The following MAP3K1 variants were observed in gnomAD, a reference collection of about 807,000 sequenced individuals.
MAP3K1 encodes the protein mitogen-activated protein kinase kinase kinase 1.
Under a neutral mutation model 144.2 loss-of-function variants are expected in MAP3K1, and 36 were observed. That is an observed-to-expected ratio of 0.25 (90% CI 0.19 to 0.33). The LOEUF is 0.33. Among genes scored for constraint, MAP3K1 ranks in the 10% least tolerant of loss-of-function variants. MAP3K1 has a pLI of 1.00. For synonymous variants in MAP3K1, 718 were observed against 688.7 expected (o/e 1.04, Z -0.67); for missense variants, 1,650 against 1,881.9 (o/e 0.88, Z 2.28).
At chr5:56,819,448 A>G (rs78953096) in intron 1 of MAP3K1, among the ~76,000 whole-genome samples, 1 of 148,404 alleles carries the variant, frequency 6.7e-6, no homozygotes, top group African/African-American at 2.5e-5. Context: ...CAAAAAAAAA[A>G]CCAGCTACAG....
intron 6 of MAP3K1, among the ~76,000 whole-genome samples, chr5:56,869,803 G>A (rs548064750): frequency 1.3e-5 from 2 of 152,068 alleles, no homozygotes; most frequent in Non-Finnish European, 2.9e-5. Flanking sequence ...TTTATTATAG[G>A]TAGTTGTATA....
intron 1 of MAP3K1, among the ~76,000 whole-genome samples, chr5:56,834,689 A>G (rs1461894491): frequency 6.6e-6 from 1 of 152,184 alleles, no homozygotes; most frequent in Admixed American, 6.5e-5. Context: ...AGCCTGGGCA[A>G]CAGAGCAAGA....
At position 56,893,700 on chromosome 5, in the gene MAP3K1, A is replaced by G. The variant is rs1748619361; in HGVS notation, c.*20A>G. ...TGGTAGCCAATTATGCAGATCAACT[A>G]CAGTAGAAACAGGATGCTCAACAAG... On this transcript the variant is annotated 3_prime_UTR_variant, in exon 20 of 20. Coordinates refer to ENST00000399503, the MANE Select transcript of MAP3K1 (RefSeq NM_005921.2). 3 of 1,613,092 alleles carry G rather than the reference A, an allele frequency of 1.9e-6. No homozygotes were observed. The highest frequency in any genetic ancestry group is 2.2e-5 in the East Asian group (1 of 44,868).
intron 1 of MAP3K1, among the ~76,000 whole-genome samples, chr5:56,822,967 T>C (rs1267038079): frequency 6.6e-6 from 1 of 152,136 alleles, no homozygotes; most frequent in African/African-American, 2.4e-5. Flanking sequence ...GCCCATTGTC[T>C]CTCATTTCCA....
At chr5:56,875,375 G>C in intron 10 of MAP3K1, 65 bp downstream of exon 10, 3 of 1,550,404 alleles carry the variant, frequency 1.9e-6, no homozygotes, top group Non-Finnish European at 2.7e-6. Context: ...TTCGTAGATA[G>C]TGTTTTTAAG....
Position 56,831,391 on chromosome 5 carries a change from A to G in MAP3K1, c.482+15336A>G, listed in dbSNP as rs142329992. Among the ~76,000 whole-genome samples, 672 of 152,248 alleles carry G rather than the reference A, an allele frequency of 4.4e-3. 5 individuals are homozygous for G. Among genetic ancestry groups the G allele is most frequent in the African/African-American group, 0.016 (645 of 41,544 alleles). On this transcript the variant is annotated intron_variant, in intron 1 of 19. Transcript: ENST00000399503. ...TCCATCGCAAACCAGTGAACTCCAA[A>G]ACCTAATCAGGCTTCTTTCTAGGCA...
chr5:56,839,583 A>G (rs938896932), intron 1 of MAP3K1, among the ~76,000 whole-genome samples: 2 of 152,166 alleles, frequency 1.3e-5, no homozygotes, highest in African/African-American at 2.4e-5. Flanking sequence ...AACATTTTGG[A>G]CAATTTTGCT....
Position 56,882,159 on chromosome 5 carries a change from T to C in MAP3K1, c.2959T>C (p.Ser987Pro), listed in dbSNP as rs2111944232. 1.9e-6 allele frequency: 3 copies of C among 1,614,012 alleles called. No homozygotes were observed. Among genetic ancestry groups the C allele is most frequent in the Non-Finnish European group, 2.5e-6 (3 of 1,179,928 alleles). Residue 987 changes from serine (S) to proline (P), a missense_variant, in exon 14 of 20, where the codon TCT becomes CCT. Physicochemically the swap from Ser to Pro is moderately conservative, Grantham distance 74 (BLOSUM62 -1). Around this residue, in one of 6 missense-constraint regions of MAP3K1, gnomAD observed 841 missense variants for 886.5 expected, o/e 0.95. Transcript: ENST00000399503. ...QLMFPALSTP[S>P]SSTPSVPAGT... ...AATGTTTCCAGCCTTGTCAACCCCT[T>C]CTTCTTCTACCCCATCTGTACCAGC...
At chr5:56,816,153 G>A in intron 1 of MAP3K1, 98 bp downstream of exon 1, 1 of 1,115,646 alleles carries the variant, frequency 9.0e-7, no homozygotes, top group Non-Finnish European at 1.1e-6. Flanking sequence ...GGGGTTCAGC[G>A]CAGCGAGGCT....
At chr5:56,870,087 A>T (rs56822906) in intron 6 of MAP3K1, among the ~76,000 whole-genome samples, 5 of 152,228 alleles carry the variant, frequency 3.3e-5, no homozygotes, top group Non-Finnish European at 7.4e-5. Flanking sequence ...AAAAGTAGTT[A>T]CTGTTTTTGC....
intron 1 of MAP3K1, among the ~76,000 whole-genome samples, chr5:56,835,210 G>A (rs1746610488): frequency 1.3e-5 from 2 of 152,194 alleles, no homozygotes. Context: ...CTTCCTCCCT[G>A]AAGAATGCCA....
Position 56,881,807 on chromosome 5 carries a change from C to G in MAP3K1, c.2607C>G (p.Ile869Met), listed in dbSNP as rs1462201165. The change falls in exon 14 of 20, where the codon ATC (isoleucine) becomes ATG (methionine). Residue 869 changes from isoleucine (I) to methionine (M), a missense_variant. Physicochemically the swap from Ile to Met is conservative, Grantham distance 10 (BLOSUM62 1). Transcript: ENST00000399503. ...ATGAGGTGGAAATTGCCGAAGCCAT[C>G]CAGTTGGGCGTAGAAGACACTTTGG... ...IADEVEIAEA[I>M]QLGVEDTLDG... The G allele has an allele frequency of 6.2e-7, 1 of 1,614,110 alleles. No homozygotes were observed.
At chr5:56,846,114 C>T (rs539322271) in intron 1 of MAP3K1, among the ~76,000 whole-genome samples, 3 of 152,312 alleles carry the variant, frequency 2.0e-5, no homozygotes, top group East Asian at 3.9e-4. Context: ...TCTTAAATGG[C>T]AGAACAATGT....
intron 9 of MAP3K1, among the ~76,000 whole-genome samples, chr5:56,873,328 T>A (rs1293249693): frequency 6.6e-6 from 1 of 152,212 alleles, no homozygotes; most frequent in African/African-American, 2.4e-5. Context: ...CAATGTTTAA[T>A]CCCCGTGCCT....
rs1281805751 is a variant in MAP3K1, at chr5:56,894,063, T to G, written c.*383T>G. On this transcript the variant is annotated 3_prime_UTR_variant, in exon 20 of 20. Coordinates refer to ENST00000399503, the MANE Select transcript of MAP3K1 (RefSeq NM_005921.2). ...TCAATTATTCTTCCATTTCATATAG[T>G]GATCACAAGCAGGGGGTTCTGCAAT... The G allele has an allele frequency of 2.8e-6, 1 of 358,308 alleles. No individual in the cohort carries two copies. Among genetic ancestry groups the G allele is most frequent in the Non-Finnish European group, 5.2e-6 (1 of 191,702 alleles). The allele number at this position is 358,308 out of a possible 1,614,324, so 22.2% of individuals were successfully genotyped here.
At chr5:56,857,957 T>TA (rs1747389499) in intron 2 of MAP3K1, among the ~76,000 whole-genome samples, 2 of 152,222 alleles carry the variant, frequency 1.3e-5, no homozygotes, top group East Asian at 3.8e-4. Context: ...CCGTGAGTCC[T>TA]TGTCTTTACA....
At chr5:56,871,468 T>G (rs1380672487) in intron 6 of MAP3K1, among the ~76,000 whole-genome samples, 1 of 152,214 alleles carries the variant, frequency 6.6e-6, no homozygotes, top group Admixed American at 6.5e-5. Context: ...CAGTTCATAC[T>G]GCCACCAGAA....
intron 10 of MAP3K1, among the ~76,000 whole-genome samples, chr5:56,878,399 A>G (rs1276083834): frequency 1.3e-5 from 2 of 152,148 alleles, no homozygotes; most frequent in Non-Finnish European, 2.9e-5. Flanking sequence ...GTGTGTACCT[A>G]TGTAACAAAC....
At chr5:56,873,303 A>G (rs1448539827) in intron 9 of MAP3K1, among the ~76,000 whole-genome samples, 1 of 152,222 alleles carries the variant, frequency 6.6e-6, no homozygotes, top group Non-Finnish European at 1.5e-5. Context: ...AGAACCCTTC[A>G]ATGCTAACTT....
Sources: allele counts gnomAD v4.1 joint callset (sites outside exome capture counted in the v4.1 genomes callset), GRCh38; gene constraint gnomAD v4.1.1; regional missense constraint gnomAD v4.1.1; transcripts MANE v1.5; gene names NCBI Gene and HGNC (gene_info 2026-07-23, HGNC 2026-07-21).